CENPW: variants seen among roughly 807,000 people sequenced by gnomAD.
The protein encoded by CENPW is cancer-up-regulated gene 2 protein.
A neutral mutation model predicts 11.1 loss-of-function variants in CENPW; 3 were observed. That is an observed-to-expected ratio of 0.27 (90% confidence interval 0.12 to 0.70). The LOEUF (loss-of-function observed/expected upper bound fraction) is 0.70. Among genes scored for constraint, CENPW ranks in the 30% least tolerant of loss-of-function variants. CENPW has a pLI of 0.77. For missense variants in CENPW, 100 were observed against 105.6 expected (o/e 0.95, Z 0.23); for synonymous variants, 38 against 42.0 (o/e 0.91, Z 0.37).
chr6:126,348,284 A>T (rs1186399812), intron 2 of CENPW, among the ~76,000 whole-genome samples, 182 bp from the exon 3 acceptor site: 3 of 152,034 alleles, frequency 2.0e-5, no homozygotes, highest in Admixed American at 2.0e-4. Context: ...TTTTAGAGAA[A>T]TCTAAGACTA....
the CENPW span, among the ~76,000 whole-genome samples, chr6:126,445,993 T>C: frequency 1.3e-4 from 19 of 151,078 alleles, no homozygotes; most frequent in Non-Finnish European, 2.5e-4. Flanking sequence ...TAAAATGGCT[T>C]CCTGTTTCTA....
chr6:126,400,908 CTA>C, the CENPW span, among the ~76,000 whole-genome samples: 1 of 152,044 alleles, frequency 6.6e-6, no homozygotes, highest in South Asian at 2.1e-4. Flanking sequence ...TTTTAATTCT[CTA>C]ATTCAGAAAT....
chr6:126,430,878 C>G, the CENPW span, among the ~76,000 whole-genome samples: 1 of 151,976 alleles, frequency 6.6e-6, no homozygotes, highest in East Asian at 1.9e-4. Flanking sequence ...CGAGATGGCG[C>G]CACTGCACTC....
the CENPW span, among the ~76,000 whole-genome samples, chr6:126,402,394 T>G: frequency 3.3e-5 from 5 of 152,008 alleles, no homozygotes; most frequent in East Asian, 9.7e-4. Context: ...GAGATGTAAT[T>G]CACATAACAT....
the CENPW span, among the ~76,000 whole-genome samples, chr6:126,398,774 A>G: frequency 1.3e-5 from 2 of 151,654 alleles, no homozygotes; most frequent in African/African-American, 2.4e-5. Flanking sequence ...GATATTAAGC[A>G]TAGTACCCAA....
chr6:126,403,230 CT>C, the CENPW span, among the ~76,000 whole-genome samples: 9 of 152,082 alleles, frequency 5.9e-5, no homozygotes, highest in Admixed American at 2.6e-4. Flanking sequence ...CAATTAATAA[CT>C]TTTCAGTGGG....
At chr6:126,401,466 G>T in the CENPW span, among the ~76,000 whole-genome samples, 179 of 152,096 alleles carry the variant, frequency 1.2e-3, 5 homozygotes, top group East Asian at 0.034. Flanking sequence ...CTCAGTCTTA[G>T]GTAGGGGCTA....
chr6:126,470,224 G>T, the CENPW span, among the ~76,000 whole-genome samples: 1 of 152,180 alleles, frequency 6.6e-6, no homozygotes, highest in Non-Finnish European at 1.5e-5. Context: ...GCTCCTCTGC[G>T]CAGCCTTGGA....
At chr6:126,383,338 C>T in the CENPW span, among the ~76,000 whole-genome samples, 2 of 152,080 alleles carry the variant, frequency 1.3e-5, no homozygotes, top group African/African-American at 4.8e-5. Flanking sequence ...GTACATAGAC[C>T]AGTGACACTA....
chr6:126,426,702 A>G, the CENPW span, among the ~76,000 whole-genome samples: 4 of 152,270 alleles, frequency 2.6e-5, no homozygotes, highest in African/African-American at 7.2e-5. Flanking sequence ...TGTTACCTCA[A>G]ACAATATACA....
chr6:126,478,259 CTGAGTGAAT>C, the CENPW span, among the ~76,000 whole-genome samples: 2 of 152,004 alleles, frequency 1.3e-5, no homozygotes, highest in African/African-American at 4.8e-5. Context: ...AGTGGCCAAT[CTGAGTGAAT>C]TGGTGTTTTC....
the CENPW span, among the ~76,000 whole-genome samples, chr6:126,456,509 G>T: frequency 2.0e-5 from 3 of 151,504 alleles, no homozygotes; most frequent in Non-Finnish European, 4.4e-5. Context: ...ATATGCAGAA[G>T]ATTGAAACTG....
the CENPW span, among the ~76,000 whole-genome samples, chr6:126,481,540 T>C: frequency 6.6e-6 from 1 of 151,978 alleles, no homozygotes; most frequent in Admixed American, 6.6e-5. Context: ...AGAGCTGAAC[T>C]TCATCTTTTT....
the CENPW span, among the ~76,000 whole-genome samples, chr6:126,380,594 C>T: frequency 6.6e-6 from 1 of 152,172 alleles, no homozygotes; most frequent in African/African-American, 2.4e-5. Context: ...CCCTTGAAGC[C>T]ATGGATAGGG....
At chr6:126,475,982 G>C in the CENPW span, among the ~76,000 whole-genome samples, 1 of 151,642 alleles carries the variant, frequency 6.6e-6, no homozygotes, top group African/African-American at 2.4e-5. Flanking sequence ...GCCACTTATA[G>C]TGAATTAATG....
chr6:126,460,963 T>G, the CENPW span, among the ~76,000 whole-genome samples: 2 of 152,026 alleles, frequency 1.3e-5, no homozygotes, highest in East Asian at 3.9e-4. Flanking sequence ...ACGATATCTA[T>G]TTTCTGTATT....
chr6:126,439,266 T>C, the CENPW span, among the ~76,000 whole-genome samples: 1 of 151,722 alleles, frequency 6.6e-6, no homozygotes, highest in Non-Finnish European at 1.5e-5. Context: ...TGCTTATCTT[T>C]TAATTGGCTG....
the CENPW span, among the ~76,000 whole-genome samples, chr6:126,365,364 G>T: frequency 3.9e-5 from 6 of 152,286 alleles, no homozygotes; most frequent in East Asian, 9.6e-4. Flanking sequence ...AGTTTTGCAG[G>T]CTCTACAGGC....
chr6:126,456,107 A>G, the CENPW span, among the ~76,000 whole-genome samples: 1 of 151,512 alleles, frequency 6.6e-6, no homozygotes, highest in Non-Finnish European at 1.5e-5. Context: ...GATAGAATCA[A>G]TATTGTTAAA....
Sources: allele counts gnomAD v4.1 joint callset (sites outside exome capture counted in the v4.1 genomes callset), GRCh38; gene constraint gnomAD v4.1.1; transcripts MANE v1.5; gene names NCBI Gene and HGNC (gene_info 2026-07-23, HGNC 2026-07-21).